SDC4: variants seen among roughly 807,000 people sequenced by gnomAD.
SDC4 encodes syndecan 4.
Under a neutral mutation model 20.5 loss-of-function variants are expected in SDC4, and 17 were observed. The observed-to-expected ratio is 0.83, with a 90% CI of 0.57 to 1.25. The LOEUF (loss-of-function observed/expected upper bound fraction) is 1.25. SDC4 is among the 50% of genes most tolerant of loss of function. The probability of loss-of-function intolerance (pLI) is 0.00; values close to 1 mark genes in which losing one functional copy is unlikely to be tolerated. For missense variants in SDC4, 241 were observed against 252.3 expected, an observed-to-expected ratio of 0.96 and a Z score of 0.30; for synonymous variants, 107 against 105.3, an observed-to-expected ratio of 1.02 and a Z score of -0.10.
chr20:45,330,912 C>T (rs1032868688), intron 3 of SDC4, among the ~76,000 whole-genome samples: 2 of 152,214 alleles, frequency 1.3e-5, no homozygotes, highest in Non-Finnish European at 2.9e-5. Flanking sequence ...CAGTTTTGCC[C>T]TGGAAACTCT....
In SDC4 at chr20:45,326,217, A is replaced by C. The variant is rs954521555; in HGVS notation, c.*1047T>G. 6.8e-6 allele frequency: 1 copy of C among 147,312 alleles called. No individual in the cohort carries two copies. Among genetic ancestry groups the C allele is most frequent in the Non-Finnish European group, 1.5e-5 (1 of 65,926 alleles). 9.1% of individuals were successfully genotyped at this position (147,312 alleles called of 1,614,324 possible). A position where few individuals can be genotyped will look rare whatever the true frequency, so the allele number is the denominator to read the frequency against. ...ATATTTTGGGATCTGCTAAAAAAAAACTATGTTTCGGCAAAAGCTATTTTA... is the reference window on the plus strand; with the variant it reads ...ATATTTTGGGATCTGCTAAAAAAAACCTATGTTTCGGCAAAAGCTATTTTA... On this transcript the variant is annotated 3_prime_UTR_variant, in exon 5 of 5. Coordinates refer to ENST00000372733, the MANE Select transcript of SDC4 (RefSeq NM_002999.4).
intron 1 of SDC4, 100 bp downstream of exon 1, chr20:45,348,225 C>T (rs1196203957): frequency 4.7e-6 from 5 of 1,054,904 alleles, no homozygotes; most frequent in Non-Finnish European, 6.9e-6. Context: ...GGGTAGCGTA[C>T]CCCCGATCTG....
At chr20:45,332,946 G>A (rs2145709633) in intron 3 of SDC4, 77 bp downstream of exon 3, 1 of 1,338,118 alleles carries the variant, frequency 7.5e-7, no homozygotes. Context: ...GCCTATGGGG[G>A]CTGTATTTTC....
In SDC4 at chr20:45,344,502, C is replaced by T. The variant is rs145523684; in HGVS notation, c.60+3823G>A. 1.2e-4 allele frequency among the ~76,000 whole-genome samples: 19 copies of T among 152,348 alleles called. No homozygotes were observed. In the East Asian group the frequency reaches 2.5e-3, roughly 20 times the overall value. ...TAAGCATTCATTTGGAAATCACACT[C>T]GCCTGTCCAGTCCGGGAGGTTGAAG... is the stretch of plus-strand genomic sequence containing the variant. On this transcript the variant is annotated intron_variant, in intron 1 of 4. Coordinates refer to ENST00000372733, the MANE Select transcript of SDC4 (RefSeq NM_002999.4).
chr20:45,332,156 T>C (rs1320146672), intron 3 of SDC4, among the ~76,000 whole-genome samples: 1 of 117,656 alleles, frequency 8.5e-6, no homozygotes, highest in Non-Finnish European at 1.7e-5. Context: ...ATTATATATA[T>C]ATACTTTTTT....
intron 2 of SDC4, among the ~76,000 whole-genome samples, chr20:45,334,911 A>G (rs1018388816): frequency 1.3e-5 from 2 of 152,212 alleles, no homozygotes; most frequent in African/African-American, 4.8e-5. Flanking sequence ...CATTTTACAG[A>G]TTAGAAAACT....
chr20:45,330,749 T>G (rs1173376394), intron 3 of SDC4, among the ~76,000 whole-genome samples, 185 bp from the exon 4 acceptor site: 7 of 152,096 alleles, frequency 4.6e-5, no homozygotes, highest in Admixed American at 4.6e-4. Flanking sequence ...ATCCCCAACT[T>G]TTTTAGTATA....
chr20:45,333,168 C>A, intron 2 of SDC4, 99 bp from the exon 3 acceptor site: 1 of 1,095,276 alleles, frequency 9.1e-7, no homozygotes, highest in Non-Finnish European at 1.4e-6. Context: ...AACCAGCTTC[C>A]AAATGCTCAA....
intron 3 of SDC4, 74 bp downstream of exon 3, chr20:45,332,949 G>T: frequency 7.1e-7 from 1 of 1,405,576 alleles, no homozygotes; most frequent in South Asian, 1.2e-5. Flanking sequence ...TATGGGGGCT[G>T]TATTTTCTGC....
At chr20:45,330,273 C>A in intron 4 of SDC4, 93 bp downstream of exon 4, 2 of 1,168,782 alleles carry the variant, frequency 1.7e-6, no homozygotes, top group South Asian at 2.5e-5. Flanking sequence ...ACCAAGGAGC[C>A]TCATGGCTGG....
At chr20:45,332,373 C>G (rs1004360850) in intron 3 of SDC4, among the ~76,000 whole-genome samples, 1 of 152,066 alleles carries the variant, frequency 6.6e-6, no homozygotes, top group Non-Finnish European at 1.5e-5. Flanking sequence ...GTTGGCCAGG[C>G]TGGTCTCGAA....
chr20:45,338,645 T>C (rs142816557), intron 1 of SDC4, among the ~76,000 whole-genome samples: 2 of 152,300 alleles, frequency 1.3e-5, no homozygotes, highest in African/African-American at 4.8e-5. Flanking sequence ...ATTAGAGAAA[T>C]GAAGGCTATG....
intron 1 of SDC4, 42 bp downstream of exon 1, chr20:45,348,283 G>A: frequency 6.6e-7 from 1 of 1,510,676 alleles, no homozygotes; most frequent in Non-Finnish European, 9.0e-7. Flanking sequence ...ACCGGCCTGC[G>A]CCCCCGCTTC....
intron 2 of SDC4, among the ~76,000 whole-genome samples, chr20:45,334,892 T>C (rs560793986): frequency 6.6e-6 from 1 of 152,314 alleles, no homozygotes; most frequent in Admixed American, 6.5e-5. Context: ...GTACTATCTT[T>C]ATTATTCCCA....
chr20:45,330,272 C>T, intron 4 of SDC4, 94 bp downstream of exon 4: 4 of 1,132,504 alleles, frequency 3.5e-6, no homozygotes, highest in East Asian at 2.3e-5. Flanking sequence ...CACCAAGGAG[C>T]CTCATGGCTG....
chr20:45,342,867 C>T (rs543292748), intron 1 of SDC4, among the ~76,000 whole-genome samples: 3 of 152,322 alleles, frequency 2.0e-5, no homozygotes, highest in South Asian at 2.1e-4. Flanking sequence ...GACACCACCT[C>T]CCCAAAGCCA....
intron 1 of SDC4, among the ~76,000 whole-genome samples, chr20:45,340,037 G>A (rs531687076): frequency 6.6e-6 from 1 of 152,294 alleles, no homozygotes; most frequent in East Asian, 1.9e-4. Context: ...CTCCCAGACT[G>A]GAATTATCTT....
rs528687484 is a variant in SDC4, at chr20:45,327,309, C to T, written c.552G>A (p.Lys184=). The T allele has an allele frequency of 1.2e-6, 2 of 1,614,104 alleles. No homozygotes were observed. Among genetic ancestry groups the T allele is most frequent in the Non-Finnish European group, 1.7e-6 (2 of 1,180,046 alleles). The change falls in exon 5 of 5, where the codon AAG becomes AAA. Residue 184 remains lysine (K), a synonymous_variant. Coordinates refer to ENST00000372733, the MANE Select transcript of SDC4 (RefSeq NM_002999.4). ...TGGGGGCTTTCTTGTAGATGGGTTT[C>T]TTGCCCAGGTCATAGCTGCCTTCAT... ...KKDEGSYDLG[K]KPIYKKAPTN... is the part of the protein sequence containing the mutation.
intron 2 of SDC4, among the ~76,000 whole-genome samples, chr20:45,335,391 G>T (rs926546777): frequency 1.3e-5 from 2 of 151,894 alleles, no homozygotes; most frequent in African/African-American, 2.4e-5. Context: ...TGTGGCCCAG[G>T]CTGGAACTTT....
Sources: allele counts gnomAD v4.1 joint callset (sites outside exome capture counted in the v4.1 genomes callset), GRCh38; gene constraint gnomAD v4.1.1; transcripts MANE v1.5; gene names NCBI Gene and HGNC (gene_info 2026-07-23, HGNC 2026-07-21).